Variants in CTNNA3 observed in about 807,000 individuals in gnomAD.
CTNNA3 encodes catenin alpha 3.
CTNNA3 carries 76 observed loss-of-function variants against 95.7 expected under a neutral mutation model. The observed-to-expected ratio is 0.79, with a 90% CI of 0.66 to 0.96. The LOEUF (loss-of-function observed/expected upper bound fraction) is 0.96. Among genes scored for constraint, CTNNA3 ranks in the 40% least tolerant of loss-of-function variants. The probability of loss-of-function intolerance (pLI) is 0.00; values close to 1 mark genes in which losing one functional copy is unlikely to be tolerated. For synonymous variants in CTNNA3, 431 were observed against 374.4 expected, an observed-to-expected ratio of 1.15 and a Z score of -1.74; for missense variants, 1,191 against 1,089.8, an observed-to-expected ratio of 1.09 and a Z score of -1.31.
chr10:66,377,302 C>A (rs2092802898), intron 12 of CTNNA3, among the ~76,000 whole-genome samples: 1 of 151,828 alleles, frequency 6.6e-6, no homozygotes, highest in African/African-American at 2.4e-5. Flanking sequence ...CATAATTTAT[C>A]TAGAGAATTT....
intron 13 of CTNNA3, among the ~76,000 whole-genome samples, chr10:66,222,042 T>C (rs372846959): frequency 9.2e-5 from 14 of 152,212 alleles, no homozygotes; most frequent in African/African-American, 3.4e-4. Context: ...TGGATCTTTA[T>C]TATTTTAATT....
intron 12 of CTNNA3, among the ~76,000 whole-genome samples, chr10:66,310,354 A>G (rs2092000488): frequency 6.6e-6 from 1 of 152,154 alleles, no homozygotes; most frequent in Non-Finnish European, 1.5e-5. Flanking sequence ...GATTTATCCG[A>G]TATCATATGG....
At position 66,447,479 on chromosome 10, in the gene CTNNA3, A is replaced by G. The variant is rs1305186757; in HGVS notation, c.1532-68127T>C. 3.4e-5 allele frequency among the ~76,000 whole-genome samples: 5 copies of G among 145,312 alleles called. 1 individual carries two copies. The highest frequency in any genetic ancestry group is 7.9e-5 in the African/African-American group (3 of 38,000). Reference sequence around the variant, plus strand: ...ATGGTACTGGTACCAAAACAGAGATATAGATCAATGGAACAGAACAGAGCC... The same window carrying G: ...ATGGTACTGGTACCAAAACAGAGATGTAGATCAATGGAACAGAACAGAGCC... On this transcript the variant is annotated intron_variant, in intron 11 of 17. Transcript: ENST00000433211.
At chr10:67,477,855 G>A (rs1848076880) in intron 5 of CTNNA3, among the ~76,000 whole-genome samples, 1 of 152,082 alleles carries the variant, frequency 6.6e-6, no homozygotes, top group Non-Finnish European at 1.5e-5. Context: ...AAACATAGAA[G>A]TTACAGATAA....
At chr10:66,297,849 G>A (rs2091803814) in intron 12 of CTNNA3, among the ~76,000 whole-genome samples, 1 of 152,084 alleles carries the variant, frequency 6.6e-6, no homozygotes, top group South Asian at 2.1e-4. Flanking sequence ...TGACTGTTTG[G>A]GCACTTACGT....
At chr10:67,278,203 T>C (rs1388008494) in intron 5 of CTNNA3, among the ~76,000 whole-genome samples, 1 of 152,156 alleles carries the variant, frequency 6.6e-6, no homozygotes, top group Non-Finnish European at 1.5e-5. Context: ...ATGTGCAAGG[T>C]AAAAGCTTTC....
At chr10:66,105,269 T>A (rs887014504) in intron 13 of CTNNA3, among the ~76,000 whole-genome samples, 1 of 152,218 alleles carries the variant, frequency 6.6e-6, no homozygotes, top group Non-Finnish European at 1.5e-5. Context: ...TTCTATACAA[T>A]CATATATCGC....
intron 7 of CTNNA3, among the ~76,000 whole-genome samples, chr10:67,009,752 C>T (rs549200131): frequency 6.6e-6 from 1 of 152,084 alleles, no homozygotes; most frequent in Non-Finnish European, 1.5e-5. Flanking sequence ...TCTTGCTAGA[C>T]TTTTTTACTC....
chr10:67,736,698 A>C (rs957729645), intron 1 of CTNNA3, among the ~76,000 whole-genome samples: 1 of 151,782 alleles, frequency 6.6e-6, no homozygotes. Context: ...CTCGTGTTCC[A>C]CCCACCTCGG....
At chr10:66,956,185 T>C (rs554555560) in intron 7 of CTNNA3, among the ~76,000 whole-genome samples, 1 of 151,432 alleles carries the variant, frequency 6.6e-6, no homozygotes, top group South Asian at 2.1e-4. Context: ...AGAGTTCCTC[T>C]TTTTCTAATT....
intron 9 of CTNNA3, among the ~76,000 whole-genome samples, chr10:66,717,643 G>C (rs1262220626): frequency 6.6e-6 from 1 of 152,122 alleles, no homozygotes; most frequent in Non-Finnish European, 1.5e-5. Flanking sequence ...CAATGTGGAC[G>C]TAGGAAGCAG....
intron 13 of CTNNA3, among the ~76,000 whole-genome samples, chr10:66,186,687 T>C (rs1299561257): frequency 1.3e-5 from 2 of 152,014 alleles, no homozygotes; most frequent in Admixed American, 6.5e-5. Context: ...AGAAAAGGCA[T>C]TCAGGACATT....
intron 11 of CTNNA3, among the ~76,000 whole-genome samples, chr10:66,502,625 T>A (rs1490585599): frequency 6.6e-6 from 1 of 152,110 alleles, no homozygotes; most frequent in Non-Finnish European, 1.5e-5. Flanking sequence ...GCTCATCCAC[T>A]CAATATTACT....
chr10:66,846,918 A>G (rs1363107714), intron 7 of CTNNA3, among the ~76,000 whole-genome samples: 2 of 152,192 alleles, frequency 1.3e-5, no homozygotes, highest in African/African-American at 4.8e-5. Flanking sequence ...AGTTTACAAT[A>G]AGCAGTAGTC....
At chr10:66,607,987 C>A (rs542282152) in intron 10 of CTNNA3, among the ~76,000 whole-genome samples, 1 of 151,990 alleles carries the variant, frequency 6.6e-6, no homozygotes, top group South Asian at 2.1e-4. Flanking sequence ...GGCATGTAAA[C>A]AGGAAGAGGG....
In CTNNA3 at chr10:67,391,230, C is replaced by T. The variant is rs1273669253; in HGVS notation, c.579+130612G>A. Among the ~76,000 whole-genome samples, 6 of 152,032 alleles carry T rather than the reference C, an allele frequency of 3.9e-5. No individual in the cohort carries two copies. In the South Asian group the frequency reaches 1.2e-3, roughly 32 times the overall value. On this transcript the variant is annotated intron_variant, in intron 5 of 17. Transcript: ENST00000433211. Reference sequence around the variant, plus strand: ...AGTCTCAGGATACAAAATCAATGTACAAAAATCACAAGCATTCTTATACAC... The same window carrying T: ...AGTCTCAGGATACAAAATCAATGTATAAAAATCACAAGCATTCTTATACAC...
At chr10:67,124,335 TG>T (rs1859607528) in intron 7 of CTNNA3, among the ~76,000 whole-genome samples, 1 of 40,858 alleles carries the variant, frequency 2.4e-5, no homozygotes, top group Non-Finnish European at 5.3e-5. Context: ...GTGTTAGCGG[TG>T]TGTGTGTGTG....
At chr10:66,424,673 T>A (rs1434960758) in intron 11 of CTNNA3, among the ~76,000 whole-genome samples, 4 of 152,296 alleles carry the variant, frequency 2.6e-5, no homozygotes, top group African/African-American at 9.6e-5. Flanking sequence ...TTTTCGAAAC[T>A]TGAAGAGACT....
In CTNNA3 at chr10:66,212,679, G is replaced by T. The variant is rs142094486; in HGVS notation, c.1884+67791C>A. ...TCATTTCAGTGTAGCTTTCTTTCAG[G>T]AAAATATTAAGAGATAGCTAAAAAT... is the stretch of plus-strand genomic sequence containing the variant. On this transcript the variant is annotated intron_variant, in intron 13 of 17. Transcript: ENST00000433211. Among the ~76,000 whole-genome samples, 390 of 152,184 alleles carry T rather than the reference G, an allele frequency of 2.6e-3. 5 individuals are homozygous for T. Among genetic ancestry groups the T allele is most frequent in the African/African-American group, 8.9e-3 (368 of 41,526 alleles).
Sources: allele counts gnomAD v4.1 joint callset (sites outside exome capture counted in the v4.1 genomes callset), GRCh38; gene constraint gnomAD v4.1.1; transcripts MANE v1.5; gene names NCBI Gene and HGNC (gene_info 2026-07-23, HGNC 2026-07-21).